Variants in ATG2B observed in about 807,000 individuals in gnomAD.
ATG2B encodes autophagy related 2B.
Under a neutral mutation model 241.3 loss-of-function variants are expected in ATG2B, and 121 were observed. That is an observed-to-expected ratio of 0.50 (90% CI 0.43 to 0.58). The LOEUF (loss-of-function observed/expected upper bound fraction) is 0.58. ATG2B is among the 20% of genes least tolerant of loss of function. The pLI is 0.00. For missense variants in ATG2B, 2,306 were observed against 2,491.6 expected, an observed-to-expected ratio of 0.93 and a Z score of 1.59; for synonymous variants, 858 against 876.6, an observed-to-expected ratio of 0.98 and a Z score of 0.37.
rs527572962 is a variant in ATG2B, at chr14:96,359,439, T to G, written c.162+3376A>C. 1.1e-4 allele frequency among the ~76,000 whole-genome samples: 16 copies of G among 152,266 alleles called. No individual in the cohort carries two copies. In the East Asian group the frequency reaches 3.1e-3, roughly 29 times the overall value. On this transcript the variant is annotated intron_variant, in intron 1 of 41. Transcript: ENST00000359933. ...ATTGTTAATGTGTATCTTCTTGAGC[T>G]CCTGTAAGAAAAGGGTCTTTGTTTA...
At chr14:96,332,271 G>A (rs376215597) in intron 10 of ATG2B, 34 bp downstream of exon 10, 150 of 1,534,378 alleles carry the variant, frequency 9.8e-5, no homozygotes, top group African/African-American at 2.5e-4. Context: ...AAATTCCAGC[G>A]GAAACTAACA....
intron 1 of ATG2B, among the ~76,000 whole-genome samples, chr14:96,360,775 T>C (rs1222604694): frequency 6.6e-6 from 1 of 152,030 alleles, no homozygotes; most frequent in Non-Finnish European, 1.5e-5. Flanking sequence ...GAAGGTACCT[T>C]TTTTTCAGTC....
intron 35 of ATG2B, 76 bp downstream of exon 35, chr14:96,295,406 T>C (rs1595294334): frequency 9.4e-7 from 1 of 1,059,802 alleles, no homozygotes; most frequent in Non-Finnish European, 1.4e-6. Context: ...GTAAGTACAT[T>C]CTCAAAAAAG....
At chr14:96,292,170 T>C in intron 36 of ATG2B, 72 bp from the exon 37 acceptor site, 1 of 945,086 alleles carries the variant, frequency 1.1e-6, no homozygotes. Flanking sequence ...ATAAATTAAT[T>C]TGTTCAATTG....
At position 96,291,934 on chromosome 14, in the gene ATG2B, A is replaced by G. The variant is rs543392395; in HGVS notation, c.5496+95T>C. 196 of 879,688 alleles carry G rather than the reference A, an allele frequency of 2.2e-4. No homozygotes were observed. The African/African-American group carries it at 2.4e-3, about 11-fold the overall frequency. The allele number at this position is 879,688 out of a possible 1,614,324, so 54.5% of individuals were successfully genotyped here. A position where few individuals can be genotyped will look rare whatever the true frequency, so the allele number is the denominator to read the frequency against. ...ACCTTGCACTTCATTTCAAACATAT[A>G]TATAAACTATGACAAAGCAAAGTTA... On this transcript the variant is annotated intron_variant, in intron 37 of 41. Transcript: ENST00000359933.
chr14:96,320,822 G>A (rs542985898), intron 18 of ATG2B, among the ~76,000 whole-genome samples: 34 of 151,834 alleles, frequency 2.2e-4, no homozygotes, highest in Non-Finnish European at 3.5e-4. Flanking sequence ...AGCTCTTTGC[G>A]GACACCCCTG....
intron 41 of ATG2B, among the ~76,000 whole-genome samples, chr14:96,287,470 C>T (rs1402826978): frequency 6.6e-6 from 1 of 152,162 alleles, no homozygotes; most frequent in Non-Finnish European, 1.5e-5. Flanking sequence ...GAGTACGAGG[C>T]CGACCACCAC....
At chr14:96,302,138 T>G (rs777719249) in intron 33 of ATG2B, 30 bp from the exon 34 acceptor site, 1 of 1,400,482 alleles carries the variant, frequency 7.1e-7, no homozygotes, top group Admixed American at 1.8e-5. Context: ...ATAACATTTT[T>G]CCCCAATAAT....
intron 25 of ATG2B, among the ~76,000 whole-genome samples, chr14:96,312,801 G>C (rs1482508131): frequency 6.6e-6 from 1 of 152,076 alleles, no homozygotes; most frequent in Non-Finnish European, 1.5e-5. Flanking sequence ...CAGGTAGCAT[G>C]GGAAGTTTAC....
At position 96,333,671 on chromosome 14, in the gene ATG2B, C is replaced by A. The variant is rs1312180790; in HGVS notation, c.1207+17G>T. ...TTATAATATATGATTCTGGTGTCAA[C>A]AGTTTGAGTTGCTTACCACGGCTAG... On this transcript the variant is annotated intron_variant, in intron 8 of 41. Coordinates refer to ENST00000359933, the MANE Select transcript of ATG2B (RefSeq NM_018036.7). 1 of 1,606,852 alleles carries A rather than the reference C, an allele frequency of 6.2e-7. No homozygotes were observed. The highest frequency in any genetic ancestry group is 1.3e-5 in the African/African-American group (1 of 74,408).
chr14:96,334,955 G>C (rs1169202393), intron 6 of ATG2B, among the ~76,000 whole-genome samples: 2 of 152,170 alleles, frequency 1.3e-5, no homozygotes, highest in Admixed American at 6.5e-5. Flanking sequence ...GAGCATGTAA[G>C]GACCTTCTCC....
intron 41 of ATG2B, among the ~76,000 whole-genome samples, chr14:96,286,975 G>T (rs12435477): frequency 0.35 from 53,224 of 151,842 alleles, 9,959 homozygotes; most frequent in Non-Finnish European, 0.42. Flanking sequence ...TGTCCAGAAG[G>T]CCGGGCGCGG....
Position 96,334,497 on chromosome 14 carries a change from T to A in ATG2B, c.929A>T (p.Asp310Val). 1.9e-6 allele frequency: 3 copies of A among 1,581,472 alleles called. No individual in the cohort carries two copies. The highest frequency in any genetic ancestry group is 2.6e-6 in the Non-Finnish European group (3 of 1,164,036). Residue 310 changes from aspartate (D) to valine (V), a missense_variant, in exon 7 of 42, where the codon GAT becomes GTT. Transcript: ENST00000359933. Reference protein sequence around the residue: ...QNEVLPGAKLDVDGQIDSIHL... With the variant: ...QNEVLPGAKLVVDGQIDSIHL... ...AATAGAGTCTATCTGTCCATCAACA[T>A]CCAACTTAAGGGAAAAAAAAAAACT...
chr14:96,324,064 G>C (rs565021877), intron 15 of ATG2B, 66 bp from the exon 16 acceptor site: 1 of 1,048,734 alleles, frequency 9.5e-7, no homozygotes, highest in Non-Finnish European at 1.4e-6. Flanking sequence ...AGATGGAGGA[G>C]CAAAGATCCT....
intron 31 of ATG2B, 38 bp downstream of exon 31, chr14:96,305,551 T>C: frequency 7.3e-7 from 1 of 1,374,174 alleles, no homozygotes; most frequent in Non-Finnish European, 1.0e-6. Context: ...AAAGAATATA[T>C]TGGCCTCCCA....
At chr14:96,340,101 A>ATTATATATATAT (rs1491413324) in intron 6 of ATG2B, among the ~76,000 whole-genome samples, 1 of 112,566 alleles carries the variant, frequency 8.9e-6, no homozygotes. Flanking sequence ...TATGCTATAT[A>ATTATATATATAT]GAATATATGA....
chr14:96,358,541 T>C (rs1238086301), intron 1 of ATG2B, among the ~76,000 whole-genome samples: 1 of 152,210 alleles, frequency 6.6e-6, no homozygotes, highest in African/African-American at 2.4e-5. Flanking sequence ...TTTCCCTAAG[T>C]ATAAGATGTT....
At chr14:96,299,471 C>T (rs1886732317) in intron 34 of ATG2B, among the ~76,000 whole-genome samples, 1 of 152,126 alleles carries the variant, frequency 6.6e-6, no homozygotes, top group South Asian at 2.1e-4. Flanking sequence ...TCTTTGTATC[C>T]CCAGCATCCT....
At chr14:96,362,566 T>TG (rs2139918318) in intron 1 of ATG2B, among the ~76,000 whole-genome samples, 1 of 152,314 alleles carries the variant, frequency 6.6e-6, no homozygotes, top group South Asian at 2.1e-4. Context: ...CCCGAAGCAC[T>TG]GACTCAATTA....
Sources: gnomAD v4.1 joint callset for allele counts (sites outside exome capture counted in the v4.1 genomes callset) on GRCh38, gnomAD v4.1.1 for gene constraint, MANE v1.5 for transcripts, NCBI Gene and HGNC (gene_info 2026-07-23, HGNC 2026-07-21) for gene names.